BCHE: variants seen among roughly 807,000 people sequenced by gnomAD.
The protein encoded by BCHE is cholinesterase.
BCHE carries 48 observed loss-of-function variants against 51.3 expected under a neutral mutation model. The observed-to-expected ratio is 0.94, with a 90% CI of 0.74 to 1.19. BCHE has a LOEUF of 1.19. Ranked by LOEUF, BCHE falls within the 50% of genes most tolerant of loss-of-function variation. The pLI, the probability that BCHE is intolerant of heterozygous loss-of-function variation, is 0.00. For missense variants in BCHE, 847 were observed against 708.2 expected, an observed-to-expected ratio of 1.20 and a Z score of -2.23; for synonymous variants, 251 against 238.0, an observed-to-expected ratio of 1.05 and a Z score of -0.50.
intron 3 of BCHE, among the ~76,000 whole-genome samples, chr3:165,784,574 T>C (rs1454152554): frequency 1.3e-5 from 2 of 151,900 alleles, no homozygotes; most frequent in Non-Finnish European, 2.9e-5. Flanking sequence ...CAACATTGTA[T>C]GGGAAATAGC....
intron 3 of BCHE, 69 bp downstream of exon 3, chr3:165,786,076 A>T: frequency 6.6e-7 from 1 of 1,510,502 alleles, no homozygotes; most frequent in Non-Finnish European, 9.2e-7. Flanking sequence ...TGCCTTGGAG[A>T]GTATACTTCA....
At chr3:165,809,259 TA>T (rs1286598288) in intron 2 of BCHE, among the ~76,000 whole-genome samples, 1 of 152,154 alleles carries the variant, frequency 6.6e-6, no homozygotes, top group East Asian at 1.9e-4. Context: ...TGGACAACAT[TA>T]AGCCAATATA....
At chr3:165,825,440 T>C (rs760022167) in intron 2 of BCHE, among the ~76,000 whole-genome samples, 1 of 151,574 alleles carries the variant, frequency 6.6e-6, no homozygotes, top group Non-Finnish European at 1.5e-5. Context: ...GAAATATTTA[T>C]TTGATAAGAT....
intron 2 of BCHE, among the ~76,000 whole-genome samples, chr3:165,790,077 G>A (rs1287952844): frequency 6.6e-6 from 1 of 152,052 alleles, no homozygotes; most frequent in East Asian, 1.9e-4. Context: ...GTGAGGGGGG[G>A]ATGGTGAGGG....
intron 1 of BCHE, among the ~76,000 whole-genome samples, chr3:165,835,511 C>T (rs1224860133): frequency 1.3e-5 from 2 of 151,842 alleles, no homozygotes; most frequent in East Asian, 3.9e-4. Flanking sequence ...AGAGAAAGAG[C>T]CATCTAGATA....
chr3:165,773,407 T>A lies in BCHE; in HGVS notation c.1784A>T (p.Lys595Met). ...TTAGAGACCCACACAACTTTCTTTC[T>A]TGCTAGTGTAATCGTTAAATTGATT... ...WKNQFNDYTS[K>M]KESCVGL The change falls in exon 4 of 4, where the codon AAG becomes ATG. Residue 595 changes from lysine (K) to methionine (M), a missense_variant. By Grantham distance (95) the Lys-to-Met change is moderately conservative. Coordinates refer to ENST00000264381, the MANE Select transcript of BCHE (RefSeq NM_000055.4). 2 of 1,611,352 alleles carry A rather than the reference T, an allele frequency of 1.2e-6. No individual in the cohort carries two copies. Among genetic ancestry groups the A allele is most frequent in the Non-Finnish European group, 1.7e-6 (2 of 1,178,004 alleles).
chr3:165,791,944 C>T (rs542722714), intron 2 of BCHE, among the ~76,000 whole-genome samples: 2 of 94,266 alleles, frequency 2.1e-5, no homozygotes, highest in African/African-American at 1.3e-4. Flanking sequence ...GAGGCTCCAT[C>T]TCAAAAAATA....
chr3:165,826,287 T>C lies in BCHE; in HGVS notation c.1517+3230A>G, dbSNP rs1034697118. On this transcript the variant is annotated intron_variant, in intron 2 of 3. Coordinates refer to ENST00000264381, the MANE Select transcript of BCHE (RefSeq NM_000055.4). ...GGATAAACAAGTAGTGGTACAATCA[T>C]CCATAGGAAATAGCACTTAGCAGTG... Among the ~76,000 whole-genome samples, 3 of 152,084 alleles carry C rather than the reference T, an allele frequency of 2.0e-5. No individual in the cohort carries two copies. The East Asian group carries it at 5.8e-4, about 29-fold the overall frequency.
Position 165,831,017 on chromosome 3 carries a change from G to T in BCHE, c.17C>A (p.Thr6Lys). The change falls in exon 2 of 4, where the codon ACA becomes AAA. Residue 6 changes from threonine to lysine, a missense_variant. By Grantham distance (78) the Thr-to-Lys change is moderately conservative (BLOSUM62 -1). Coordinates refer to ENST00000264381, the MANE Select transcript of BCHE (RefSeq NM_000055.4). ...AAAGAGAAATCTGATGCATATGATTGTGACTTTGCTATGCATATTGATTTC... is the reference window on the plus strand; with the variant it reads ...AAAGAGAAATCTGATGCATATGATTTTGACTTTGCTATGCATATTGATTTC... MHSKV[T>K]IICIRFLFWF... 6.2e-7 allele frequency: 1 copy of T among 1,612,394 alleles called. No homozygotes were observed. Among genetic ancestry groups the T allele is most frequent in the Non-Finnish European group, 8.5e-7 (1 of 1,179,556 alleles).
chr3:165,830,544 C>T lies in BCHE; in HGVS notation c.490G>A (p.Val164Ile), dbSNP rs758223727. The change falls in exon 2 of 4, where the codon GTT (valine) becomes ATT (isoleucine). Residue 164 changes from valine (V) to isoleucine (I), a missense_variant. Val to Ile is a conservative substitution (Grantham distance 29). Coordinates refer to ENST00000264381, the MANE Select transcript of BCHE (RefSeq NM_000055.4). The part of the protein sequence containing the change: ...HVYDGKFLAR[V>I]ERVIVVSMNY... ...ATTGACACTACAATAACTCTTTCAA[C>T]CCGAGCCAGAAACTTGCCATCATAA... is the stretch of plus-strand genomic sequence containing the variant. The T allele has an allele frequency of 1.2e-6, 2 of 1,613,930 alleles. No individual in the cohort carries two copies. Among genetic ancestry groups the T allele is most frequent in the Admixed American group, 1.7e-5 (1 of 59,954 alleles).
chr3:165,815,466 A>C (rs1714278615), intron 2 of BCHE, among the ~76,000 whole-genome samples: 1 of 152,030 alleles, frequency 6.6e-6, no homozygotes, highest in South Asian at 2.1e-4. Flanking sequence ...CCTTATCAAC[A>C]CCTGTTGAGG....
At chr3:165,833,216 TATTTAGGTACTATTATATATA>T (rs1406023233) in intron 1 of BCHE, among the ~76,000 whole-genome samples, 8 of 152,188 alleles carry the variant, frequency 5.3e-5, no homozygotes, top group Non-Finnish European at 1.2e-4. Context: ...ACATTCATGA[TATTTAGGTACTATTATATATA>T]ATTTAGGTAC....
intron 3 of BCHE, among the ~76,000 whole-genome samples, chr3:165,777,095 A>C (rs1712501419): frequency 6.6e-6 from 1 of 151,930 alleles, no homozygotes; most frequent in Admixed American, 6.6e-5. Context: ...ATGAGTAAAT[A>C]AGTATATATT....
intron 3 of BCHE, among the ~76,000 whole-genome samples, chr3:165,773,994 C>T (rs1313708296): frequency 1.3e-5 from 2 of 151,900 alleles, no homozygotes; most frequent in African/African-American, 2.4e-5. Flanking sequence ...TCAGGGATAC[C>T]AAAATCCTCT....
At chr3:165,805,708 G>A (rs887445129) in intron 2 of BCHE, among the ~76,000 whole-genome samples, 4 of 151,918 alleles carry the variant, frequency 2.6e-5, no homozygotes, top group Admixed American at 6.6e-5. Flanking sequence ...TTTTATTTTT[G>A]TTAAACTTAC....
chr3:165,801,291 G>A (rs183601841), intron 2 of BCHE, among the ~76,000 whole-genome samples: 43 of 152,266 alleles, frequency 2.8e-4, no homozygotes, highest in African/African-American at 7.0e-4. Flanking sequence ...AATGAAAACC[G>A]CAAGGATAAT....
At chr3:165,823,728 C>A (rs948116343) in intron 2 of BCHE, among the ~76,000 whole-genome samples, 2 of 151,862 alleles carry the variant, frequency 1.3e-5, no homozygotes, top group African/African-American at 4.8e-5. Context: ...GGTTTGCAAA[C>A]TAAAAAATCT....
intron 2 of BCHE, among the ~76,000 whole-genome samples, chr3:165,815,192 A>T (rs1396966463): frequency 6.6e-6 from 1 of 151,526 alleles, no homozygotes; most frequent in Non-Finnish European, 1.5e-5. Flanking sequence ...TATTACATAT[A>T]GTTTCTCAAA....
At chr3:165,792,355 T>C (rs1713202652) in intron 2 of BCHE, among the ~76,000 whole-genome samples, 1 of 152,176 alleles carries the variant, frequency 6.6e-6, no homozygotes, top group Non-Finnish European at 1.5e-5. Context: ...GGAAAAGAGT[T>C]AACCGAAACA....
Sources: gnomAD v4.1 joint callset for allele counts (sites outside exome capture counted in the v4.1 genomes callset) on GRCh38, gnomAD v4.1.1 for gene constraint, MANE v1.5 for transcripts, NCBI Gene and HGNC (gene_info 2026-07-23, HGNC 2026-07-21) for gene names.